The following WDR90 variants were observed in gnomAD, a reference collection of about 807,000 sequenced individuals.
WDR90 encodes the protein WD repeat domain 90.
A neutral mutation model predicts 195.2 loss-of-function variants in WDR90; 238 were observed. The observed-to-expected ratio is 1.22, with a 90% CI of 1.10 to 1.36. The LOEUF (loss-of-function observed/expected upper bound fraction) is 1.36. Among genes scored for constraint, WDR90 ranks in the 40% most tolerant of loss-of-function variants. The pLI, the probability that WDR90 is intolerant of heterozygous loss-of-function variation, is 0.00. For missense variants in WDR90, 2,734 were observed against 2,439.5 expected (o/e 1.12, Z -2.54); for synonymous variants, 1,265 against 1,052.4 (o/e 1.20, Z -3.91).
chr16:654,937 A>C, intron 13 of WDR90, 92 bp from the exon 14 acceptor site: 1 of 1,290,790 alleles, frequency 7.7e-7, no homozygotes, highest in Non-Finnish European at 1.1e-6. Flanking sequence ...ATGAGAGAAA[A>C]GCCACCTCCG....
In WDR90 at chr16:653,812, G is replaced by A. The variant is rs1279669408; in HGVS notation, c.1437+9G>A. ...ACCACCACGGGAGGACGGTAACAGG[G>A]CCCTGGCTGCGGGTTGGGGTGGGGC... On this transcript the variant is annotated intron_variant, in intron 13 of 40. Transcript: ENST00000293879. 2 of 1,612,930 alleles carry A rather than the reference G, an allele frequency of 1.2e-6. No homozygotes were observed.
At position 649,772 on chromosome 16, in the gene WDR90, A is replaced by C; in HGVS notation, c.20A>C (p.His7Pro). Residue 7 changes from histidine (H) to proline (P), a missense_variant, in exon 2 of 41, where the codon CAC becomes CCC. By Grantham distance (77) the His-to-Pro change is moderately conservative. Transcript: ENST00000293879. MARAWQ[H>P]PFLNVFRHFR... ...CGCCCGCTCCCCGCAGCGTGGCAGCACCCGTTCCTCAACGTCTTCAGACAC... is the reference window on the plus strand; with the variant it reads ...CGCCCGCTCCCCGCAGCGTGGCAGCCCCCGTTCCTCAACGTCTTCAGACAC... The C allele has an allele frequency of 6.4e-7, 1 of 1,561,008 alleles. No homozygotes were observed. Among genetic ancestry groups the C allele is most frequent in the Non-Finnish European group, 8.7e-7 (1 of 1,153,396 alleles).
In WDR90 at chr16:661,923, G is replaced by T; in HGVS notation, c.3897G>T (p.Gly1299=). 6.2e-7 allele frequency: 1 copy of T among 1,610,038 alleles called. No individual in the cohort carries two copies. Among genetic ancestry groups the T allele is most frequent in the Non-Finnish European group, 8.5e-7 (1 of 1,179,810 alleles). The change falls in exon 32 of 41, where the codon GGG becomes GGT. Residue 1299 remains glycine (G), a synonymous_variant. Transcript: ENST00000293879. The stretch of plus-strand genomic sequence containing the variant: ...GAGAGCCAGTCCCAGAGGCAGTGGG[G>T]GCTGGAGAGCTGACCTCGCTCTGCT... ...VRREPVPEAV[G]AGELTSLCYG...
chr16:651,093 A>G lies in WDR90; in HGVS notation c.658A>G (p.Ile220Val). Residue 220 changes from isoleucine (I) to valine (V), a missense_variant, in exon 6 of 41, where the codon ATC becomes GTC. Ile to Val is a conservative substitution (Grantham distance 29). Coordinates refer to ENST00000293879, the MANE Select transcript of WDR90 (RefSeq NM_145294.5). ...PKGESWHDRY[I>V]HVRFPSESLK... ...GGGAGAGAGCTGGCATGACCGCTAC[A>G]TCCACGTCCGGTGAGTGGTTCTGCT... 2 of 1,613,124 alleles carry G rather than the reference A, an allele frequency of 1.2e-6. No individual in the cohort carries two copies. Among genetic ancestry groups the G allele is most frequent in the Non-Finnish European group, 1.7e-6 (2 of 1,179,802 alleles).
intron 1 of WDR90, 59 bp from the exon 2 acceptor site, chr16:649,704 C>A: frequency 1.3e-6 from 2 of 1,499,892 alleles, no homozygotes; most frequent in South Asian, 1.2e-5. Flanking sequence ...GGCCCAGCCC[C>A]GCAGTGGCCC....
chr16:666,089 C>T lies in WDR90; in HGVS notation c.4574C>T (p.Pro1525Leu), dbSNP rs191804234. 66 of 1,610,308 alleles carry T rather than the reference C, an allele frequency of 4.1e-5. No homozygotes were observed. Among genetic ancestry groups the T allele is most frequent in the Non-Finnish European group, 5.3e-5 (62 of 1,179,680 alleles). ...TAMELKMHPH[P>L]VALTTVAFST... ...ATGGAGCTCAAGATGCACCCCCACC[C>T]GGTGGCGCTGACCACTGTTGCCTTC... Residue 1525 changes from proline to leucine, a missense_variant, in exon 36 of 41, where the codon CCG (proline) becomes CTG (leucine). Pro to Leu is a moderately conservative substitution (Grantham distance 98). Transcript: ENST00000293879.
chr16:661,900 GAGCC>G lies in WDR90; in HGVS notation c.3877_3880del (p.Pro1293SerfsTer10). On this transcript the variant is annotated frameshift_variant, in exon 32 of 41. Transcript: ENST00000293879. LOFTEE classifies it high-confidence loss of function. ...TCTCATACTTTGCCAGGTGCGTCGA[GAGCC>G]AGTCCCAGAGGCAGTGGGGGCTGGA... 20 of 1,609,640 alleles carry G rather than the reference GAGCC, an allele frequency of 1.2e-5. No homozygotes were observed. The highest frequency in any genetic ancestry group is 1.7e-5 in the Non-Finnish European group (20 of 1,178,510).
Position 659,386 on chromosome 16 carries a change from A to C in WDR90, c.3184+10A>C, listed in dbSNP as rs1233690238. 2.5e-6 allele frequency: 4 copies of C among 1,589,056 alleles called. No homozygotes were observed. Among genetic ancestry groups the C allele is most frequent in the Non-Finnish European group, 2.6e-6 (3 of 1,168,902 alleles). On this transcript the variant is annotated intron_variant, in intron 26 of 40. Coordinates refer to ENST00000293879, the MANE Select transcript of WDR90 (RefSeq NM_145294.5). The stretch of plus-strand genomic sequence containing the variant: ...CCCGAAGGTGGCGATGGTGAGCAGC[A>C]GGGGTCCTGGAGGAGTGGGGGGATT...
At chr16:658,796 G>A in intron 23 of WDR90, 100 bp from the exon 24 acceptor site, 1 of 1,561,584 alleles carries the variant, frequency 6.4e-7, no homozygotes. Context: ...TGTGCCTCCG[G>A]GGCCTCACAC....
At position 653,409 on chromosome 16, in the gene WDR90, G is replaced by C; in HGVS notation, c.1191G>C (p.Val397=). 6.2e-7 allele frequency: 1 copy of C among 1,610,342 alleles called. No homozygotes were observed. Among genetic ancestry groups the C allele is most frequent in the South Asian group, 1.1e-5 (1 of 90,892 alleles). ...ATGCGGTCATCGTCGTCCTGCTCGT[G>C]GACACGGGGGAGCAGCGCTTCTTCC... ...PCHAVIVVLL[V]DTGEQRFFLG... is the part of the protein sequence containing the mutation. Residue 397 remains valine, a synonymous_variant, in exon 11 of 41, where the codon GTG becomes GTC. Transcript: ENST00000293879.
chr16:660,475 C>A, intron 27 of WDR90, 137 bp from the exon 28 acceptor site: 1 of 884,638 alleles, frequency 1.1e-6, no homozygotes, highest in Middle Eastern at 3.2e-4. Flanking sequence ...ACACCTCCTA[C>A]CCCAGCTTCC....
In WDR90 at chr16:661,989, C is replaced by T. The variant is rs770692575; in HGVS notation, c.3963C>T (p.Gly1321=). ...PPLLYCGTSS[G]QVCVWDTRAG... Reference sequence around the variant, plus strand: ...TGCTCTATTGTGGCACCAGCTCTGGCCAGGTCTGTGTCTGGGACACGCGTG... The same window carrying T: ...TGCTCTATTGTGGCACCAGCTCTGGTCAGGTCTGTGTCTGGGACACGCGTG... The change falls in exon 32 of 41, where the codon GGC becomes GGT. Residue 1321 remains glycine (G), a synonymous_variant. Coordinates refer to ENST00000293879, the MANE Select transcript of WDR90 (RefSeq NM_145294.5). 5 of 1,605,440 alleles carry T rather than the reference C, an allele frequency of 3.1e-6. No homozygotes were observed. The South Asian group carries it at 4.4e-5, about 14-fold the overall frequency.
chr16:667,544 G>T lies in WDR90; in HGVS notation c.5202G>T (p.Thr1734=), dbSNP rs3752492. ...CACCGTCCGCCAGGCTGCTCTTCAC[G>T]GCCGCCCGCAACGAGATCCTTGTGT... ...RFTPSARLLF[T]AARNEILVWE... is the part of the protein sequence containing the mutation. Residue 1734 remains threonine, a synonymous_variant, in exon 41 of 41, where the codon ACG becomes ACT. Transcript: ENST00000293879. 2 of 1,611,514 alleles carry T rather than the reference G, an allele frequency of 1.2e-6. No homozygotes were observed. The highest frequency in any genetic ancestry group is 1.3e-5 in the African/African-American group (1 of 74,984).
At chr16:652,160 C>A in intron 9 of WDR90, 121 bp downstream of exon 9, 2 of 1,236,214 alleles carry the variant, frequency 1.6e-6, no homozygotes, top group South Asian at 1.4e-5. Flanking sequence ...GTTCAGCCTC[C>A]TGGCAAGGAG....
Position 657,746 on chromosome 16 carries a change from C to G in WDR90, c.2474-16C>G, listed in dbSNP as rs779821518. ...GCACTCCCCACCCAGCTGACCCCTG[C>G]CCCGTGTGGCCACAGCGGACATGGT... On this transcript the variant is annotated splice_polypyrimidine_tract_variant and intron_variant, in intron 20 of 40. Coordinates refer to ENST00000293879, the MANE Select transcript of WDR90 (RefSeq NM_145294.5). 7 of 1,539,452 alleles carry G rather than the reference C, an allele frequency of 4.5e-6. No individual in the cohort carries two copies. The highest frequency in any genetic ancestry group is 3.6e-4 in the Middle Eastern group (2 of 5,536).
In WDR90 at chr16:649,976, C is replaced by T; in HGVS notation, c.103-15C>T. 4 of 1,611,432 alleles carry T rather than the reference C, an allele frequency of 2.5e-6. No homozygotes were observed. Among genetic ancestry groups the T allele is most frequent in the African/African-American group, 1.3e-5 (1 of 75,038 alleles). On this transcript the variant is annotated splice_polypyrimidine_tract_variant and intron_variant, in intron 2 of 40. Coordinates refer to ENST00000293879, the MANE Select transcript of WDR90 (RefSeq NM_145294.5). ...TTCTGGGTGCTGTCGGTGATGCGGG[C>T]TCCCGCTTCTCCAGGACAAGACCCT... is the stretch of plus-strand genomic sequence containing the variant.
intron 20 of WDR90, 50 bp from the exon 21 acceptor site, chr16:657,712 C>A: frequency 6.7e-7 from 1 of 1,486,310 alleles, no homozygotes; most frequent in South Asian, 1.3e-5. Flanking sequence ...CCTGGCCACG[C>A]GCACCCCGGC....
rs45606031 is a variant in WDR90, at chr16:657,112, C to G, written c.2364C>G (p.Thr788=). 1.8e-3 allele frequency: 2,862 copies of G among 1,591,286 alleles called. 5 individuals carry two copies. The highest frequency in any genetic ancestry group is 2.0e-3 in the Non-Finnish European group (2,308 of 1,171,656). The change falls in exon 20 of 41, where the codon ACC becomes ACG. Residue 788 remains threonine, a synonymous_variant. Coordinates refer to ENST00000293879, the MANE Select transcript of WDR90 (RefSeq NM_145294.5). The stretch of plus-strand genomic sequence containing the variant: ...GCAGGTGCCACCGAGGAGCTGTCAC[C>G]GGCCTGACCGCCACCCCTGACGGCC... ...VEHTCHRGAV[T]GLTATPDGRL...
In WDR90 at chr16:652,012, G is replaced by A. The variant is rs1180817618; in HGVS notation, c.1026G>A (p.Val342=). Residue 342 remains valine, a synonymous_variant, in exon 9 of 41, where the codon GTG becomes GTA. Transcript: ENST00000293879. ...THVLTHESAE[V]PVARTGSCEG... ...TGTTGACTCACGAGTCGGCTGAGGT[G>A]CCCGTGGCCCGCACCGGCTCCTGCG... 2.5e-6 allele frequency: 4 copies of A among 1,601,224 alleles called. No homozygotes were observed. Among genetic ancestry groups the A allele is most frequent in the Non-Finnish European group, 2.6e-6 (3 of 1,175,654 alleles).
Sources: gnomAD v4.1 joint callset for allele counts on GRCh38, gnomAD v4.1.1 for gene constraint, MANE v1.5 for transcripts, NCBI Gene and HGNC (gene_info 2026-07-23, HGNC 2026-07-21) for gene names.